The following PRP4K variants were observed in gnomAD, a reference collection of about 807,000 sequenced individuals.
PRP4K encodes the protein pre-mRNA processing factor kinase PRP4K, also known as serine/threonine-protein kinase PRP4 homolog.
the PRP4K span, among the ~76,000 whole-genome samples, chr6:4,030,052 C>T: frequency 6.6e-6 from 1 of 151,888 alleles, no homozygotes; most frequent in Non-Finnish European, 1.5e-5. Flanking sequence ...AAGAGATTCT[C>T]CTGCCTCAGC....
the PRP4K span, chr6:4,032,793 G>C: frequency 6.9e-7 from 1 of 1,456,786 alleles, no homozygotes; most frequent in Non-Finnish European, 9.0e-7. Flanking sequence ...TTTTACCAGT[G>C]CATGAGATTT....
chr6:4,045,571 T>C, the PRP4K span, among the ~76,000 whole-genome samples: 1 of 152,232 alleles, frequency 6.6e-6, no homozygotes, highest in East Asian at 1.9e-4. Context: ...ATATTGCCAA[T>C]TTAAAATTGA....
At chr6:4,043,719 C>T in the PRP4K span, 1 of 1,156,686 alleles carries the variant, frequency 8.6e-7, no homozygotes, top group South Asian at 1.4e-5. Context: ...TTGATACGTT[C>T]TCTTAACTTT....
chr6:4,032,170 A>G, the PRP4K span: 1 of 1,613,924 alleles, frequency 6.2e-7, no homozygotes, highest in Non-Finnish European at 8.5e-7. Context: ...AGCAAGTCAA[A>G]GGAGAGGAAA....
the PRP4K span, chr6:4,062,723 G>A: frequency 7.9e-5 from 12 of 152,526 alleles, no homozygotes; most frequent in Admixed American, 3.3e-4. This position sits in a 1 kb window ranked among gnomAD's most constrained non-coding sequence, Gnocchi z 4.2. Flanking sequence ...CCTACACCCC[G>A]TCTCTTCACG....
At chr6:4,031,554 T>C in the PRP4K span, 5 of 1,513,316 alleles carry the variant, frequency 3.3e-6, no homozygotes, top group Non-Finnish European at 4.4e-6. Flanking sequence ...TTGATATATT[T>C]ATAGGATGGA....
the PRP4K span, among the ~76,000 whole-genome samples, chr6:4,037,754 TAAAC>T: frequency 6.6e-6 from 1 of 152,206 alleles, no homozygotes; most frequent in Non-Finnish European, 1.5e-5. Context: ...CTTTGAATTT[TAAAC>T]AAATCATTGC....
the PRP4K span, chr6:4,057,248 G>C: frequency 1.3e-6 from 2 of 1,546,400 alleles, no homozygotes; most frequent in South Asian, 2.3e-5. Flanking sequence ...CAAGACTGCT[G>C]ACACTTGCTC....
chr6:4,051,194 G>A, the PRP4K span, among the ~76,000 whole-genome samples: 1 of 152,164 alleles, frequency 6.6e-6, no homozygotes, highest in Non-Finnish European at 1.5e-5. Flanking sequence ...ACAGGCATGA[G>A]CCACTGCACC....
the PRP4K span, among the ~76,000 whole-genome samples, chr6:4,030,097 TACA>T: frequency 6.6e-6 from 1 of 152,110 alleles, no homozygotes; most frequent in African/African-American, 2.4e-5. Flanking sequence ...CATGTGCCGC[TACA>T]TCTGGCTAAT....
the PRP4K span, among the ~76,000 whole-genome samples, chr6:4,026,592 C>T: frequency 2.6e-5 from 4 of 151,868 alleles, no homozygotes; most frequent in Non-Finnish European, 4.4e-5. Context: ...TGTGAGCCAC[C>T]GTGCCCGGCC....
chr6:4,042,273 A>G, the PRP4K span, among the ~76,000 whole-genome samples: 3 of 152,226 alleles, frequency 2.0e-5, no homozygotes, highest in Non-Finnish European at 4.4e-5. Flanking sequence ...TTTTGGTGCC[A>G]TGAAATAGAT....
chr6:4,038,686 A>G, the PRP4K span, among the ~76,000 whole-genome samples: 2 of 152,014 alleles, frequency 1.3e-5, no homozygotes, highest in African/African-American at 4.8e-5. Flanking sequence ...TTGCTGAGCA[A>G]ATAGTTGGGA....
chr6:4,026,057 A>G, the PRP4K span, among the ~76,000 whole-genome samples: 77 of 152,322 alleles, frequency 5.1e-4, 1 homozygote, highest in African/African-American at 1.8e-3. Context: ...GCTGGAGTGC[A>G]ATGGTGTGAT....
At chr6:4,030,600 T>C in the PRP4K span, among the ~76,000 whole-genome samples, 2 of 152,228 alleles carry the variant, frequency 1.3e-5, no homozygotes, top group Non-Finnish European at 2.9e-5. Context: ...ATCATAAACT[T>C]TTTAACTCAG....
chr6:4,051,364 C>A, the PRP4K span, among the ~76,000 whole-genome samples: 3 of 151,828 alleles, frequency 2.0e-5, no homozygotes, highest in South Asian at 6.2e-4. Context: ...CCCAGGCTGG[C>A]GTGCGGTGGT....
the PRP4K span, among the ~76,000 whole-genome samples, chr6:4,028,381 T>C: frequency 6.6e-6 from 1 of 152,082 alleles, no homozygotes; most frequent in African/African-American, 2.4e-5. Context: ...TTAATTTAAA[T>C]TTTTTTGTAG....
At chr6:4,040,645 A>C in the PRP4K span, 1 of 999,994 alleles carries the variant, frequency 1.0e-6, no homozygotes, top group Admixed American at 3.2e-5. Flanking sequence ...ATTTTAGAAG[A>C]GTTTTAGGTT....
the PRP4K span, among the ~76,000 whole-genome samples, chr6:4,055,295 A>G: frequency 2.6e-5 from 4 of 152,280 alleles, no homozygotes; most frequent in South Asian, 8.3e-4. Flanking sequence ...AATTCAGCTT[A>G]CACTTTAAAA....
Sources: gnomAD v4.1 joint callset for allele counts (sites outside exome capture counted in the v4.1 genomes callset) on GRCh38, gnomAD v4.1.1 for gene constraint, Gnocchi (gnomAD v3.1) non-coding constraint, MANE v1.5 for transcripts, NCBI Gene and HGNC (gene_info 2026-07-23, HGNC 2026-07-21) for gene names.